Variants in FRYL observed in about 807,000 individuals in gnomAD.
FRYL encodes the protein FRY like transcription coactivator.
In FRYL, 150 loss-of-function variants were observed where a neutral mutation model predicts 351.2. That is an observed-to-expected ratio of 0.43 (90% CI 0.37 to 0.49). The LOEUF (loss-of-function observed/expected upper bound fraction) is 0.49. FRYL is among the 20% of genes least tolerant of loss of function. The pLI, the probability that FRYL is intolerant of heterozygous loss-of-function variation, is 0.00. For synonymous variants in FRYL, 1,153 were observed against 1,257.1 expected (o/e 0.92, Z 1.75); for missense variants, 3,036 against 3,619.3 (o/e 0.84, Z 4.13).
intron 7 of FRYL, chr4:48,619,046 A>G (rs1750129154): frequency 2.6e-6 from 1 of 380,428 alleles, no homozygotes. Flanking sequence ...CATTTTGCTA[A>G]CAAGATTTTA....
At chr4:48,503,700 C>T (rs1215451344) in intron 60 of FRYL, among the ~76,000 whole-genome samples, 1 of 152,118 alleles carries the variant, frequency 6.6e-6, no homozygotes, top group African/African-American at 2.4e-5. Flanking sequence ...GACTGTTTTT[C>T]ATAAAGTTTA....
chr4:48,673,082 AC>A (rs1347468630), intron 3 of FRYL, among the ~76,000 whole-genome samples: 1 of 152,234 alleles, frequency 6.6e-6, no homozygotes, highest in Non-Finnish European at 1.5e-5. Context: ...ATACCAGTAT[AC>A]GATTTAAACA....
chr4:48,715,013 G>T (rs1279919284), intron 1 of FRYL, among the ~76,000 whole-genome samples: 5 of 152,126 alleles, frequency 3.3e-5, no homozygotes, highest in Non-Finnish European at 5.9e-5. Context: ...CAGAACCAAA[G>T]ACAAAAACCA....
At chr4:48,641,607 G>T (rs1755337694) in intron 3 of FRYL, among the ~76,000 whole-genome samples, 1 of 152,052 alleles carries the variant, frequency 6.6e-6, no homozygotes, top group Non-Finnish European at 1.5e-5. Flanking sequence ...CCTAATTATA[G>T]CGCATTTATG....
chr4:48,512,516 C>T lies in FRYL; in HGVS notation c.8110G>A (p.Val2704Met). ...CTAGAAAACACATGAAAAGTAAACA[C>T]TGCAGAGGACCCGTCGGTGTCAGAC... ...MLSDTDGSSAVFTFHVFSRLF... is the reference protein window; with the variant it reads ...MLSDTDGSSAMFTFHVFSRLF... Residue 2704 changes from valine (V) to methionine (M), a missense_variant, in exon 57 of 64, where the codon GTG (valine) becomes ATG (methionine). By Grantham distance (21) the Val-to-Met change is conservative. Coordinates refer to ENST00000358350, the MANE Select transcript of FRYL (RefSeq NM_015030.2). 6.2e-7 allele frequency: 1 copy of T among 1,614,040 alleles called. No homozygotes were observed.
rs144467467 is a variant in FRYL, at chr4:48,760,616, C to T, written c.-384+19462G>A. Among the ~76,000 whole-genome samples, 158 of 152,168 alleles carry T rather than the reference C, an allele frequency of 1.0e-3. 1 individual carries two copies. The highest frequency in any genetic ancestry group is 3.7e-3 in the African/African-American group (153 of 41,514). The stretch of plus-strand genomic sequence containing the variant: ...ACTTTTAGAATAACCTTGTCTTGTT[C>T]TTGACCTTAGGGAAAATGTTGTCAT... On this transcript the variant is annotated intron_variant, in intron 1 of 63. Coordinates refer to ENST00000358350, the MANE Select transcript of FRYL (RefSeq NM_015030.2).
chr4:48,717,960 T>C (rs1487883772), intron 1 of FRYL, among the ~76,000 whole-genome samples: 3 of 151,674 alleles, frequency 2.0e-5, no homozygotes, highest in African/African-American at 7.3e-5. Context: ...ATCTGACATA[T>C]TATTCTACAT....
chr4:48,708,910 G>GT (rs770430034), intron 2 of FRYL, among the ~76,000 whole-genome samples: 1 of 60,628 alleles, frequency 1.6e-5, no homozygotes, highest in African/African-American at 6.0e-5. Flanking sequence ...GGTATCGTGT[G>GT]TTTTTTTTTT....
chr4:48,712,586 G>A (rs139331726), intron 1 of FRYL, among the ~76,000 whole-genome samples: 4,926 of 152,248 alleles, frequency 0.032, 254 homozygotes, highest in African/African-American at 0.11. Flanking sequence ...CCAAATCTAC[G>A]TCTGATTGGT....
intron 19 of FRYL, among the ~76,000 whole-genome samples, chr4:48,586,305 C>G (rs1742097378): frequency 2.0e-5 from 3 of 151,856 alleles, no homozygotes; most frequent in African/African-American, 7.3e-5. Flanking sequence ...AATTATCATA[C>G]ACTGATAATG....
chr4:48,509,907 GGATA>G, intron 59 of FRYL, 148 bp downstream of exon 59: 1 of 580,548 alleles, frequency 1.7e-6, no homozygotes, highest in Admixed American at 3.1e-5. Flanking sequence ...GGAATTTGCT[GGATA>G]GAGAGCTCAA....
chr4:48,771,013 T>G (rs1318685536), intron 1 of FRYL, among the ~76,000 whole-genome samples: 2 of 152,206 alleles, frequency 1.3e-5, no homozygotes, highest in African/African-American at 4.8e-5. Context: ...TCCTTTCAAA[T>G]CTACATCTGC....
intron 3 of FRYL, chr4:48,653,606 TCAACAG>T: frequency 1.5e-6 from 1 of 657,754 alleles, no homozygotes; most frequent in Non-Finnish European, 2.2e-6. Flanking sequence ...CATGCTATTT[TCAACAG>T]CTTTTTATCT....
At chr4:48,529,626 G>A (rs1047682493) in intron 50 of FRYL, among the ~76,000 whole-genome samples, 6 of 152,108 alleles carry the variant, frequency 3.9e-5, no homozygotes, top group African/African-American at 1.4e-4. Flanking sequence ...AGACTAAACT[G>A]CAATAAAACA....
Position 48,549,766 on chromosome 4 carries a change from A to C in FRYL, c.4634-143T>G, listed in dbSNP as rs766520652. On this transcript the variant is annotated intron_variant, in intron 38 of 63. Coordinates refer to ENST00000358350, the MANE Select transcript of FRYL (RefSeq NM_015030.2). This position sits in a 1 kb window ranked among gnomAD's most constrained non-coding sequence, Gnocchi z 4.2. The stretch of plus-strand genomic sequence containing the variant: ...CTATTTCAACATGTTTGCTAGGAAA[A>C]TCTAGGCACAAATATTATCAAATTA... 6.5e-6 allele frequency: 4 copies of C among 617,364 alleles called. No homozygotes were observed. Among genetic ancestry groups the C allele is most frequent in the Non-Finnish European group, 2.7e-6 (1 of 369,848 alleles). The allele number at this position is 617,364 out of a possible 1,614,324, so 38.2% of individuals were successfully genotyped here. A position where few individuals can be genotyped will look rare whatever the true frequency, so the allele number is the denominator to read the frequency against.
At chr4:48,599,951 T>C (rs777279250) in intron 13 of FRYL, among the ~76,000 whole-genome samples, 17 of 151,672 alleles carry the variant, frequency 1.1e-4, no homozygotes, top group Non-Finnish European at 2.4e-4. Context: ...GTACTAAAAA[T>C]AAAAAATCAG....
At position 48,565,552 on chromosome 4, in the gene FRYL, T is replaced by C. The variant is rs375612614; in HGVS notation, c.3309A>G (p.Arg1103=). 5.6e-6 allele frequency: 9 copies of C among 1,607,448 alleles called. No homozygotes were observed. Among genetic ancestry groups the C allele is most frequent in the Admixed American group, 1.7e-5 (1 of 57,598 alleles). Residue 1103 remains arginine, a synonymous_variant, in exon 29 of 64, where the codon AGA becomes AGG. Transcript: ENST00000358350. The part of the protein sequence containing the change: ...RYSDRNMQIN[R]HQYCALKAMS... ...ATACCTTTAACGCACAGTATTGATG[T>C]CTATTAATTTGCATATTTCTATCAC...
intron 7 of FRYL, among the ~76,000 whole-genome samples, chr4:48,610,177 T>C (rs946325790): frequency 6.6e-6 from 1 of 152,092 alleles, no homozygotes; most frequent in African/African-American, 2.4e-5. Context: ...TTGTAATGAG[T>C]CAGCCCTACA....
chr4:48,673,206 C>T (rs1762998746), intron 3 of FRYL, among the ~76,000 whole-genome samples: 1 of 152,188 alleles, frequency 6.6e-6, no homozygotes, highest in African/African-American at 2.4e-5. Flanking sequence ...CAGTTTATCT[C>T]ACCAGAGTGT....
Sources: allele counts gnomAD v4.1 joint callset (sites outside exome capture counted in the v4.1 genomes callset), GRCh38; gene constraint gnomAD v4.1.1; non-coding constraint Gnocchi (gnomAD v3.1); transcripts MANE v1.5; gene names NCBI Gene and HGNC (gene_info 2026-07-23, HGNC 2026-07-21).